CFAP20DC: variants seen among roughly 807,000 people sequenced by gnomAD.
CFAP20DC encodes protein CFAP20DC.
Under a neutral mutation model 101.7 loss-of-function variants are expected in CFAP20DC, and 84 were observed. The observed-to-expected ratio is 0.83, with a 90% CI of 0.69 to 0.99. CFAP20DC has a LOEUF of 0.99. CFAP20DC is among the 50% of genes least tolerant of loss of function. The pLI, the probability that CFAP20DC is intolerant of heterozygous loss-of-function variation, is 0.00. For missense variants in CFAP20DC, 1,007 were observed against 970.3 expected (o/e 1.04, Z -0.50); for synonymous variants, 359 against 351.2 (o/e 1.02, Z -0.25).
chr3:58,877,681 A>G (rs1167705325), intron 7 of CFAP20DC, among the ~76,000 whole-genome samples: 2 of 152,314 alleles, frequency 1.3e-5, no homozygotes, highest in South Asian at 2.1e-4. Context: ...GTGGATCAGG[A>G]GGACATTGAA....
intron 5 of CFAP20DC, among the ~76,000 whole-genome samples, chr3:58,926,080 T>C (rs1277621219): frequency 1.3e-5 from 2 of 151,976 alleles, no homozygotes; most frequent in Non-Finnish European, 2.9e-5. Context: ...AAAAATAATA[T>C]TCAGGCCAGG....
intron 4 of CFAP20DC, among the ~76,000 whole-genome samples, chr3:58,978,926 T>C (rs1244999557): frequency 6.6e-6 from 1 of 152,088 alleles, no homozygotes; most frequent in Non-Finnish European, 1.5e-5. Flanking sequence ...CAATATCCAC[T>C]CTAATCCCAG....
At chr3:58,957,358 C>T (rs1444474563) in intron 4 of CFAP20DC, among the ~76,000 whole-genome samples, 2 of 152,150 alleles carry the variant, frequency 1.3e-5, no homozygotes, top group African/African-American at 4.8e-5. Context: ...ATAACAAATG[C>T]TATCAAGGAT....
intron 7 of CFAP20DC, among the ~76,000 whole-genome samples, chr3:58,871,024 T>TACTCTCTC (rs2080161523): frequency 6.6e-6 from 1 of 150,898 alleles, no homozygotes; most frequent in South Asian, 2.1e-4. Flanking sequence ...TTTAACTGAG[T>TACTCTCTC]ACTCTCTCAG....
intron 15 of CFAP20DC, among the ~76,000 whole-genome samples, chr3:58,776,709 A>C (rs925053571): frequency 6.6e-6 from 1 of 151,222 alleles, no homozygotes; most frequent in Non-Finnish European, 1.5e-5. Flanking sequence ...TTCTCTTGCT[A>C]ATCTGTTTTA....
chr3:58,902,582 A>G (rs537853355), intron 6 of CFAP20DC, among the ~76,000 whole-genome samples: 1 of 152,176 alleles, frequency 6.6e-6, no homozygotes, highest in East Asian at 1.9e-4. Flanking sequence ...ATTTGAAGAA[A>G]TGTCTATTCA....
At chr3:58,791,007 C>A (rs978382922) in intron 15 of CFAP20DC, among the ~76,000 whole-genome samples, 2 of 152,086 alleles carry the variant, frequency 1.3e-5, no homozygotes, top group Non-Finnish European at 1.5e-5. Flanking sequence ...TATAGAGAAG[C>A]CTACATCAGC....
intron 4 of CFAP20DC, among the ~76,000 whole-genome samples, chr3:58,995,365 A>C (rs1285142514): frequency 9.9e-6 from 1 of 100,886 alleles, no homozygotes; most frequent in African/African-American, 3.7e-5. Flanking sequence ...TGATTGTCAA[A>C]AATATCTCAC....
At chr3:58,801,730 T>G (rs1313689702) in intron 15 of CFAP20DC, among the ~76,000 whole-genome samples, 1 of 152,112 alleles carries the variant, frequency 6.6e-6, no homozygotes, top group Non-Finnish European at 1.5e-5. Flanking sequence ...CAGCGGGAAC[T>G]GAGGTCAGTG....
At chr3:58,818,858 A>G (rs2075398723) in intron 14 of CFAP20DC, among the ~76,000 whole-genome samples, 1 of 134,176 alleles carries the variant, frequency 7.5e-6, no homozygotes, top group African/African-American at 2.9e-5. Flanking sequence ...GCACCACACC[A>G]CACCTATTCC....
intron 12 of CFAP20DC, among the ~76,000 whole-genome samples, chr3:58,855,966 C>A: frequency 6.7e-6 from 1 of 148,556 alleles, no homozygotes; most frequent in Non-Finnish European, 1.5e-5. Flanking sequence ...GCACATGTAC[C>A]CTAAAACTTA....
At position 58,904,937 on chromosome 3, in the gene CFAP20DC, AAT is replaced by A. The variant is rs566062275; in HGVS notation, c.550+8769_550+8770del. 4.5e-4 allele frequency among the ~76,000 whole-genome samples: 68 copies of A among 152,304 alleles called. 1 individual carries two copies. The highest frequency in any genetic ancestry group is 1.6e-3 in the African/African-American group (67 of 41,568). On this transcript the variant is annotated intron_variant, in intron 6 of 16. Transcript: ENST00000482387. ...GAGACAGTGAATGGATGAATAGTTA[AAT>A]AAATAGCCAATCTTTAATTCATTAA...
chr3:58,989,322 A>G (rs1200585833), intron 4 of CFAP20DC, among the ~76,000 whole-genome samples: 1 of 152,182 alleles, frequency 6.6e-6, no homozygotes, highest in East Asian at 1.9e-4. Flanking sequence ...GAATTAAGAT[A>G]GCAAGGAAGC....
chr3:59,017,023 T>C (rs1236286583), intron 4 of CFAP20DC, among the ~76,000 whole-genome samples: 2 of 152,254 alleles, frequency 1.3e-5, no homozygotes, highest in East Asian at 1.9e-4. Context: ...CCTCAGCTGC[T>C]GTGGCATCCA....
chr3:58,718,253 C>T (rs905498347), intron 3 of CFAP20DC, among the ~76,000 whole-genome samples: 1 of 152,208 alleles, frequency 6.6e-6, no homozygotes, highest in Non-Finnish European at 1.5e-5. Flanking sequence ...ACTGATGGAT[C>T]TCAGGCTCTT....
chr3:58,817,011 C>G (rs1440036721), intron 14 of CFAP20DC, among the ~76,000 whole-genome samples: 1 of 152,152 alleles, frequency 6.6e-6, no homozygotes, highest in East Asian at 1.9e-4. Flanking sequence ...AACTGGGAGG[C>G]ACCCCCCAGC....
At chr3:59,049,308 A>T (rs1044650823) in intron 1 of CFAP20DC, among the ~76,000 whole-genome samples, 5 of 152,238 alleles carry the variant, frequency 3.3e-5, no homozygotes, top group African/African-American at 1.2e-4. Context: ...CCCTGCCCTC[A>T]AGATTCTGAT....
chr3:58,938,029 T>C (rs1381962351), intron 4 of CFAP20DC, among the ~76,000 whole-genome samples: 1 of 152,224 alleles, frequency 6.6e-6, no homozygotes, highest in Non-Finnish European at 1.5e-5. Context: ...TCCTCCAGCC[T>C]ATGAAAGAAT....
intron 5 of CFAP20DC, among the ~76,000 whole-genome samples, chr3:58,937,257 G>A (rs563733805): frequency 6.6e-6 from 1 of 152,294 alleles, no homozygotes; most frequent in South Asian, 2.1e-4. Context: ...TTCTGTCCAT[G>A]CTGTTGCTTT....
Sources: gnomAD v4.1 joint callset for allele counts (sites outside exome capture counted in the v4.1 genomes callset) on GRCh38, gnomAD v4.1.1 for gene constraint, MANE v1.5 for transcripts, NCBI Gene and HGNC (gene_info 2026-07-23, HGNC 2026-07-21) for gene names.